The following NBAS variants were observed in gnomAD, a reference collection of about 807,000 sequenced individuals.
NBAS encodes the protein NBAS subunit of NRZ tethering complex.
In NBAS, 219 loss-of-function variants were observed where a neutral mutation model predicts 302.5. That is an observed-to-expected ratio of 0.72 (90% confidence interval 0.65 to 0.81). The LOEUF is 0.81. Ranked by LOEUF, NBAS falls within the 30% of genes least tolerant of loss-of-function variation. The probability of loss-of-function intolerance (pLI) is 0.00; values close to 1 mark genes in which losing one functional copy is unlikely to be tolerated. For synonymous variants in NBAS, 1,118 were observed against 1,021.6 expected (o/e 1.09, Z -1.80); for missense variants, 2,932 against 2,841.6 (o/e 1.03, Z -0.72).
At chr2:15,039,421 A>G in the NBAS span, among the ~76,000 whole-genome samples, 1 of 152,200 alleles carries the variant, frequency 6.6e-6, no homozygotes, top group Non-Finnish European at 1.5e-5. Context: ...AAATTGTTCC[A>G]TATGATTTTT....
At chr2:15,052,216 G>C in the NBAS span, among the ~76,000 whole-genome samples, 9 of 152,268 alleles carry the variant, frequency 5.9e-5, no homozygotes, top group East Asian at 1.7e-3. Context: ...AATGAATACA[G>C]GTCATGTGGC....
At chr2:14,886,209 G>C in the NBAS span, among the ~76,000 whole-genome samples, 2 of 152,010 alleles carry the variant, frequency 1.3e-5, no homozygotes, top group African/African-American at 2.4e-5. Context: ...CCTAATTCCT[G>C]CCTCTCTTTC....
intron 40 of NBAS, among the ~76,000 whole-genome samples, chr2:15,304,527 T>C (rs774045437): frequency 6.6e-6 from 1 of 152,094 alleles, no homozygotes. Context: ...CTGGAACAGT[T>C]TGGAGGGCTC....
the NBAS span, among the ~76,000 whole-genome samples, chr2:15,121,967 C>A: frequency 6.6e-6 from 1 of 152,170 alleles, no homozygotes; most frequent in African/African-American, 2.4e-5. Context: ...CCATAGGCTT[C>A]ATCAGACCAC....
At chr2:15,047,608 C>G in the NBAS span, among the ~76,000 whole-genome samples, 1 of 150,446 alleles carries the variant, frequency 6.6e-6, no homozygotes, top group African/African-American at 2.4e-5. Context: ...AAGCTGGACC[C>G]ATGCAGATGA....
the NBAS span, among the ~76,000 whole-genome samples, chr2:14,855,549 G>T: frequency 6.6e-6 from 1 of 152,044 alleles, no homozygotes; most frequent in Non-Finnish European, 1.5e-5. Context: ...TGCCATGAAT[G>T]GTGAGTCCCA....
intron 48 of NBAS, among the ~76,000 whole-genome samples, chr2:15,194,855 G>A (rs1238132137): frequency 2.0e-5 from 3 of 152,002 alleles, no homozygotes; most frequent in Non-Finnish European, 4.4e-5. Context: ...GAACGATCTA[G>A]CCACTACAAT....
At chr2:15,390,017 T>A (rs4668449) in intron 28 of NBAS, among the ~76,000 whole-genome samples, 3 of 151,964 alleles carry the variant, frequency 2.0e-5, no homozygotes, top group Non-Finnish European at 4.4e-5. Context: ...AGGGAAGACA[T>A]AGCAGAACTG....
the NBAS span, among the ~76,000 whole-genome samples, chr2:14,915,187 G>C: frequency 6.6e-6 from 1 of 152,176 alleles, no homozygotes; most frequent in African/African-American, 2.4e-5. Flanking sequence ...TGCTTTTTTA[G>C]ATGCTTAGCT....
chr2:15,380,424 T>C (rs1027821965), intron 29 of NBAS, among the ~76,000 whole-genome samples: 3 of 152,088 alleles, frequency 2.0e-5, no homozygotes, highest in East Asian at 1.9e-4. Flanking sequence ...ACAATACATA[T>C]AATTCATAAC....
chr2:14,787,407 T>G, the NBAS span, among the ~76,000 whole-genome samples: 1 of 152,216 alleles, frequency 6.6e-6, no homozygotes, highest in African/African-American at 2.4e-5. Flanking sequence ...ATGCAGTTTC[T>G]TCCTAGCCTC....
chr2:15,347,533 A>G (rs1673152059), intron 35 of NBAS, among the ~76,000 whole-genome samples: 1 of 152,250 alleles, frequency 6.6e-6, no homozygotes, highest in Non-Finnish European at 1.5e-5. Context: ...TACTTAGCCC[A>G]TGCTCAAGTT....
chr2:15,499,781 A>T (rs1490421374), intron 11 of NBAS, among the ~76,000 whole-genome samples: 2 of 150,090 alleles, frequency 1.3e-5, no homozygotes, highest in Non-Finnish European at 1.5e-5. Flanking sequence ...TAAATTTTTT[A>T]AAAAAGTAAA....
the NBAS span, among the ~76,000 whole-genome samples, chr2:15,019,144 T>A: frequency 6.6e-6 from 1 of 152,240 alleles, no homozygotes; most frequent in Non-Finnish European, 1.5e-5. Flanking sequence ...ACATTCACTT[T>A]GAATGCATAA....
chr2:14,932,246 A>C, the NBAS span, among the ~76,000 whole-genome samples: 2 of 152,204 alleles, frequency 1.3e-5, no homozygotes, highest in East Asian at 3.9e-4. Context: ...TTGAGACTTC[A>C]AACTATGCTG....
intron 9 of NBAS, among the ~76,000 whole-genome samples, chr2:15,525,546 A>G (rs1006854298): frequency 3.9e-5 from 6 of 152,330 alleles, no homozygotes; most frequent in Non-Finnish European, 7.4e-5. Flanking sequence ...GCACAACTCT[A>G]TACATTTAGT....
chr2:14,878,906 G>A, the NBAS span, among the ~76,000 whole-genome samples: 1 of 151,778 alleles, frequency 6.6e-6, no homozygotes, highest in South Asian at 2.1e-4. Context: ...GACCATTATA[G>A]CATCATACAG....
chr2:15,374,592 T>G lies in NBAS; in HGVS notation c.3703+16A>C. The G allele has an allele frequency of 6.3e-7, 1 of 1,590,624 alleles. No homozygotes were observed. Among genetic ancestry groups the G allele is most frequent in the Non-Finnish European group, 8.6e-7 (1 of 1,158,760 alleles). ...ATATAAGTTAGTAACAATGCAACAG[T>G]AAGTAGAAAACTCACCTTGCAAAGG... On this transcript the variant is annotated intron_variant, in intron 31 of 51. Coordinates refer to ENST00000281513, the MANE Select transcript of NBAS (RefSeq NM_015909.4).
At chr2:15,543,957 A>T (rs977697265) in intron 6 of NBAS, among the ~76,000 whole-genome samples, 1 of 152,204 alleles carries the variant, frequency 6.6e-6, no homozygotes, top group Non-Finnish European at 1.5e-5. Context: ...GACATAACAA[A>T]CACCCAAATT....
Sources: allele counts gnomAD v4.1 joint callset (sites outside exome capture counted in the v4.1 genomes callset), GRCh38; gene constraint gnomAD v4.1.1; transcripts MANE v1.5; gene names NCBI Gene and HGNC (gene_info 2026-07-23, HGNC 2026-07-21).